The following SPOCK1 variants were observed in gnomAD, a reference collection of about 807,000 sequenced individuals.
SPOCK1 encodes the protein testican-1.
A neutral mutation model predicts 55.3 loss-of-function variants in SPOCK1; 23 were observed. The ratio of observed to expected loss-of-function variants is 0.42; its 90% CI spans 0.30 to 0.59. The LOEUF is 0.59. Among genes scored for constraint, SPOCK1 ranks in the 20% least tolerant of loss-of-function variants. The pLI, the probability that SPOCK1 is intolerant of heterozygous loss-of-function variation, is 0.22. For missense variants in SPOCK1, 499 were observed against 552.5 expected (o/e 0.90, Z 0.97); for synonymous variants, 226 against 221.0 (o/e 1.02, Z -0.20).
chr5:137,162,296 C>A (rs1189200505), intron 3 of SPOCK1, among the ~76,000 whole-genome samples: 1 of 151,924 alleles, frequency 6.6e-6, no homozygotes, highest in Non-Finnish European at 1.5e-5. Flanking sequence ...CACCACCACG[C>A]CGGGCTAATT....
intron 3 of SPOCK1, among the ~76,000 whole-genome samples, chr5:137,177,750 T>A (rs1754884941): frequency 1.3e-5 from 2 of 152,018 alleles, no homozygotes; most frequent in African/African-American, 4.8e-5. Context: ...TGAAGAGTCT[T>A]TTTAAGAAGA....
At chr5:137,404,023 A>G (rs1444515189) in intron 2 of SPOCK1, among the ~76,000 whole-genome samples, 3 of 152,176 alleles carry the variant, frequency 2.0e-5, no homozygotes, top group Non-Finnish European at 4.4e-5. Flanking sequence ...CTGCTGGTAG[A>G]TGTTTGTGTC....
intron 3 of SPOCK1, among the ~76,000 whole-genome samples, chr5:137,227,344 C>G (rs1240793477): frequency 2.0e-5 from 3 of 152,188 alleles, no homozygotes; most frequent in Non-Finnish European, 4.4e-5. Flanking sequence ...ATTTGAGGTA[C>G]TACGTTCTAG....
At chr5:137,232,126 A>T (rs1352361699) in intron 3 of SPOCK1, among the ~76,000 whole-genome samples, 2 of 152,124 alleles carry the variant, frequency 1.3e-5, no homozygotes, top group Non-Finnish European at 2.9e-5. Context: ...GTGATTTGCA[A>T]ATATTTTCCA....
At chr5:137,299,632 T>G (rs1757548987) in intron 2 of SPOCK1, among the ~76,000 whole-genome samples, 1 of 152,128 alleles carries the variant, frequency 6.6e-6, no homozygotes, top group African/African-American at 2.4e-5. Context: ...TTTACCTTCA[T>G]TTTTGATGAA....
intron 2 of SPOCK1, among the ~76,000 whole-genome samples, chr5:137,425,717 A>C (rs752735463): frequency 6.6e-6 from 1 of 152,224 alleles, no homozygotes; most frequent in Non-Finnish European, 1.5e-5. Context: ...AAGCCACTAA[A>C]TAGCATGGTG....
intron 2 of SPOCK1, among the ~76,000 whole-genome samples, chr5:137,464,702 G>C (rs1753563049): frequency 6.6e-6 from 1 of 152,150 alleles, no homozygotes; most frequent in East Asian, 1.9e-4. Context: ...CTAGGACAAA[G>C]AGGAACTCAG....
intron 2 of SPOCK1, among the ~76,000 whole-genome samples, chr5:137,475,031 G>GC (rs200681918): frequency 0.017 from 2,597 of 152,240 alleles, 34 homozygotes; most frequent in Middle Eastern, 0.027. Context: ...GAAACAGGGT[G>GC]CCTTTACACT....
chr5:137,289,814 A>G (rs528513382), intron 2 of SPOCK1, among the ~76,000 whole-genome samples: 1 of 152,312 alleles, frequency 6.6e-6, no homozygotes, highest in African/African-American at 2.4e-5. Context: ...ACTTATACCA[A>G]TCAATAAGAA....
chr5:137,299,349 C>T (rs1158423258), intron 2 of SPOCK1, among the ~76,000 whole-genome samples: 4 of 151,886 alleles, frequency 2.6e-5, no homozygotes, highest in Admixed American at 2.6e-4. Context: ...TACGCTATAC[C>T]CCTTACAAAT....
chr5:137,357,207 C>G (rs561296797), intron 2 of SPOCK1, among the ~76,000 whole-genome samples: 1 of 152,078 alleles, frequency 6.6e-6, no homozygotes, highest in East Asian at 1.9e-4. Context: ...TACACTAGTC[C>G]ATCCTCTTCT....
intron 3 of SPOCK1, among the ~76,000 whole-genome samples, chr5:137,171,696 T>C (rs556640834): frequency 2.8e-4 from 42 of 152,198 alleles, no homozygotes; most frequent in Non-Finnish European, 5.3e-4. Flanking sequence ...AACCTCACGC[T>C]GGCACACGGT....
intron 5 of SPOCK1, among the ~76,000 whole-genome samples, chr5:137,089,977 C>G (rs576201791): frequency 3.2e-4 from 49 of 152,308 alleles, no homozygotes; most frequent in Non-Finnish European, 4.4e-4. Context: ...CATTTCCCTC[C>G]TCAAATAACC....
intron 3 of SPOCK1, among the ~76,000 whole-genome samples, chr5:137,221,964 G>C (rs969907959): frequency 6.6e-6 from 1 of 152,140 alleles, no homozygotes; most frequent in Non-Finnish European, 1.5e-5. Context: ...AGAAAGCCTT[G>C]ATCAGACTCC....
intron 6 of SPOCK1, among the ~76,000 whole-genome samples, chr5:137,041,986 A>G (rs1752009340): frequency 6.6e-6 from 1 of 152,234 alleles, no homozygotes; most frequent in African/African-American, 2.4e-5. Context: ...ATGGTAACAC[A>G]AAAAGTTGAA....
At chr5:137,128,111 C>T (rs1326640901) in intron 4 of SPOCK1, among the ~76,000 whole-genome samples, 1 of 152,056 alleles carries the variant, frequency 6.6e-6, no homozygotes, top group Non-Finnish European at 1.5e-5. Flanking sequence ...AATTGGTGAC[C>T]TCATAAAAGA....
Position 137,251,792 on chromosome 5 carries a change from C to T in SPOCK1, c.232+15218G>A, listed in dbSNP as rs1361363404. ...AAGCAAAAAGTAAATTCCTCATACC[C>T]CTCTCAGCCCATTCCTCAGAGATAA... On this transcript the variant is annotated intron_variant, in intron 3 of 10. Coordinates refer to ENST00000394945, the MANE Select transcript of SPOCK1 (RefSeq NM_004598.4). Among the ~76,000 whole-genome samples, 6 of 152,210 alleles carry T rather than the reference C, an allele frequency of 3.9e-5. No homozygotes were observed. In the East Asian group the frequency reaches 1.2e-3, roughly 29 times the overall value.
At chr5:137,197,274 T>G (rs527892056) in intron 3 of SPOCK1, among the ~76,000 whole-genome samples, 2 of 152,212 alleles carry the variant, frequency 1.3e-5, no homozygotes, top group South Asian at 2.1e-4. Flanking sequence ...CCTGCTTGTT[T>G]TGCACCATTA....
At chr5:137,047,058 T>C (rs1392045791) in intron 6 of SPOCK1, among the ~76,000 whole-genome samples, 9 of 35,392 alleles carry the variant, frequency 2.5e-4, no homozygotes, top group Admixed American at 4.3e-4. Flanking sequence ...TTATTGAGGA[T>C]TTTTGCATCA....
Sources: allele counts gnomAD v4.1 joint callset (sites outside exome capture counted in the v4.1 genomes callset), GRCh38; gene constraint gnomAD v4.1.1; transcripts MANE v1.5; gene names NCBI Gene and HGNC (gene_info 2026-07-23, HGNC 2026-07-21).